CASK: variants seen among roughly 807,000 people sequenced by gnomAD.
CASK encodes the protein peripheral plasma membrane protein CASK.
Under a neutral mutation model 82.9 loss-of-function variants are expected in CASK, and 4 were observed. That is an observed-to-expected ratio of 0.05 (90% CI 0.02 to 0.11). The LOEUF (loss-of-function observed/expected upper bound fraction) is 0.11, where lower values mean the gene tolerates loss of function less well. Among genes scored for constraint, CASK ranks in the 10% least tolerant of loss-of-function variants. The probability of loss-of-function intolerance (pLI) is 1.00; values close to 1 mark genes in which losing one functional copy is unlikely to be tolerated. For missense variants in CASK, 358 were observed against 720.9 expected (o/e 0.50, Z 5.76); for synonymous variants, 259 against 253.5 (o/e 1.02, Z -0.20).
At chrX:41,823,841 AT>A (rs1235097997) in intron 2 of CASK, among the ~76,000 whole-genome samples, 1 of 110,031 alleles carries the variant, frequency 9.1e-6, no homozygotes, top group Non-Finnish European at 1.9e-5. Flanking sequence ...CCTCATGATC[AT>A]TTTTTTTCAT....
intron 12 of CASK, among the ~76,000 whole-genome samples, chrX:41,596,029 T>A (rs1201257087): frequency 1.8e-5 from 2 of 109,337 alleles, no homozygotes; most frequent in Non-Finnish European, 3.8e-5. Flanking sequence ...ACCCCATCTC[T>A]ACTAAAAATA....
At chrX:41,765,645 T>G (rs768621126) in intron 3 of CASK, among the ~76,000 whole-genome samples, 47 of 111,760 alleles carry the variant, frequency 4.2e-4, no homozygotes, top group African/African-American at 1.5e-3. Flanking sequence ...GATGAGAATA[T>G]ATGGAAGTGT....
intron 5 of CASK, among the ~76,000 whole-genome samples, chrX:41,677,397 G>A (rs2067286351): frequency 9.0e-6 from 1 of 111,587 alleles, no homozygotes; most frequent in Non-Finnish European, 1.9e-5. Flanking sequence ...AGAAAACAAG[G>A]TCTAGACAGT....
At chrX:41,589,968 G>A (rs771716019) in intron 12 of CASK, 3 of 153,998 alleles carry the variant, frequency 1.9e-5, no homozygotes, top group African/African-American at 6.3e-5. Context: ...ACGTCTACAC[G>A]GAGTAAAATG....
intron 7 of CASK, among the ~76,000 whole-genome samples, chrX:41,661,051 C>T (rs947541257): frequency 1.8e-5 from 2 of 111,973 alleles, no homozygotes; most frequent in Non-Finnish European, 1.9e-5. Context: ...ATTCTACTAC[C>T]GTAGGTCCCA....
chrX:41,799,713 A>C (rs147732663), intron 2 of CASK, among the ~76,000 whole-genome samples: 2 of 105,421 alleles, frequency 1.9e-5, no homozygotes, highest in African/African-American at 6.9e-5. Flanking sequence ...CAAATAGAGA[A>C]GCATTTATTC....
intron 17 of CASK, 26 bp downstream of exon 17, chrX:41,561,533 G>A: frequency 3.7e-6 from 4 of 1,073,615 alleles, no homozygotes; most frequent in African/African-American, 3.6e-5. Context: ...TCAATTTTAG[G>A]AAAGGAAAAA....
At chrX:41,816,781 A>C (rs1411958995) in intron 2 of CASK, among the ~76,000 whole-genome samples, 2 of 112,001 alleles carry the variant, frequency 1.8e-5, no homozygotes, top group Non-Finnish European at 3.8e-5. Context: ...ATTTCATGAA[A>C]GAAACAACCA....
intron 12 of CASK, among the ~76,000 whole-genome samples, chrX:41,607,247 T>C (rs1044055341): frequency 7.1e-5 from 8 of 112,517 alleles, no homozygotes; most frequent in African/African-American, 1.6e-4. Context: ...AAGCCAGTAA[T>C]GTTCCTGCTT....
intron 5 of CASK, among the ~76,000 whole-genome samples, chrX:41,714,909 C>T (rs761107381): frequency 1.4e-4 from 16 of 112,047 alleles, no homozygotes; most frequent in Non-Finnish European, 2.4e-4. Flanking sequence ...AGAGGAAATA[C>T]TCTCATGCAG....
intron 2 of CASK, 84 bp downstream of exon 2, chrX:41,853,031 C>G: frequency 1.6e-6 from 1 of 621,613 alleles, no homozygotes; most frequent in East Asian, 3.4e-5. Flanking sequence ...TCCCCACCCC[C>G]AGATGAAGGT....
intron 26 of CASK, chrX:41,522,296 A>C (rs1446620228): frequency 2.7e-5 from 3 of 111,981 alleles, no homozygotes; most frequent in Non-Finnish European, 5.6e-5. Flanking sequence ...ACACCACAGC[A>C]GACAGGAACT....
chrX:41,586,722 T>C, intron 14 of CASK, 185 bp downstream of exon 14: 1 of 422,096 alleles, frequency 2.4e-6, no homozygotes, highest in Non-Finnish European at 4.1e-6. Flanking sequence ...ATCTTTACAG[T>C]TGTGACACAA....
At chrX:41,779,884 C>T (rs1017042391) in intron 3 of CASK, among the ~76,000 whole-genome samples, 5 of 110,325 alleles carry the variant, frequency 4.5e-5, no homozygotes, top group African/African-American at 6.6e-5. Context: ...TTCAGTTTAT[C>T]GCCTTTGTGA....
chrX:41,754,490 A>G (rs1185855080), intron 3 of CASK, among the ~76,000 whole-genome samples: 1 of 112,207 alleles, frequency 8.9e-6, no homozygotes, highest in Non-Finnish European at 1.9e-5. Flanking sequence ...AAGAAATTAG[A>G]TGAAAGGAAA....
chrX:41,860,438 A>G (rs1479605224), intron 1 of CASK, among the ~76,000 whole-genome samples: 3 of 112,145 alleles, frequency 2.7e-5, no homozygotes, highest in African/African-American at 9.7e-5. Context: ...CCGATTAAAG[A>G]TAACGATGGT....
intron 5 of CASK, among the ~76,000 whole-genome samples, chrX:41,723,167 G>A (rs1273072981): frequency 1.8e-5 from 2 of 112,337 alleles, no homozygotes; most frequent in Non-Finnish European, 3.8e-5. Flanking sequence ...GGTAAGCATT[G>A]CGGGTTTATG....
At chrX:41,893,813 A>C (rs1355266470) in intron 1 of CASK, among the ~76,000 whole-genome samples, 2 of 112,384 alleles carry the variant, frequency 1.8e-5, no homozygotes, top group Non-Finnish European at 3.8e-5. Flanking sequence ...TCCTAGCACA[A>C]ACTTCAGTGG....
intron 8 of CASK, among the ~76,000 whole-genome samples, chrX:41,656,586 A>G (rs2066944174): frequency 9.0e-6 from 1 of 111,338 alleles, no homozygotes; most frequent in Non-Finnish European, 1.9e-5. Flanking sequence ...CAATGAAAAC[A>G]TTGGTTGTCT....
Sources: allele counts gnomAD v4.1 joint callset (sites outside exome capture counted in the v4.1 genomes callset), GRCh38; gene constraint gnomAD v4.1.1; transcripts MANE v1.5; gene names NCBI Gene and HGNC (gene_info 2026-07-23, HGNC 2026-07-21).